MCMDC2: variants seen among roughly 807,000 people sequenced by gnomAD.
MCMDC2 encodes minichromosome maintenance domain-containing protein 2.
A neutral mutation model predicts 75.8 loss-of-function variants in MCMDC2; 54 were observed. The observed-to-expected ratio is 0.71, with a 90% CI of 0.57 to 0.89. The LOEUF (loss-of-function observed/expected upper bound fraction) is 0.89. Among genes scored for constraint, MCMDC2 ranks in the 40% least tolerant of loss-of-function variants. The pLI is 0.00. For missense variants in MCMDC2, 656 were observed against 780.4 expected (o/e 0.84, Z 1.90); for synonymous variants, 249 against 274.6 (o/e 0.91, Z 0.92).
intron 7 of MCMDC2, among the ~76,000 whole-genome samples, chr8:66,880,586 T>G (rs1811511456): frequency 6.6e-6 from 1 of 152,248 alleles, no homozygotes; most frequent in Non-Finnish European, 1.5e-5. Flanking sequence ...TTTGACCATA[T>G]TATAGAAGAG....
chr8:66,894,714 C>T (rs2130831207), intron 10 of MCMDC2, among the ~76,000 whole-genome samples: 1 of 152,162 alleles, frequency 6.6e-6, no homozygotes, highest in African/African-American at 2.4e-5. Flanking sequence ...TTTAGAATGG[C>T]AATACTACTA....
Position 66,874,318 on chromosome 8 carries a change from T to G in MCMDC2, c.95-8T>G. On this transcript the variant is annotated splice_polypyrimidine_tract_variant and splice_region_variant and intron_variant, in intron 2 of 14. Coordinates refer to ENST00000422365, the MANE Select transcript of MCMDC2 (RefSeq NM_173518.5). ...TATCCTGACTTTTACATTTGTATAT[T>G]TTCATAGATTCAAAACAAAGCTATG... 6.2e-7 allele frequency: 1 copy of G among 1,607,428 alleles called. No homozygotes were observed. The highest frequency in any genetic ancestry group is 8.5e-7 in the Non-Finnish European group (1 of 1,178,162).
At chr8:66,901,397 T>A in intron 13 of MCMDC2, 49 bp downstream of exon 13, 1 of 1,571,476 alleles carries the variant, frequency 6.4e-7, no homozygotes, top group Non-Finnish European at 8.6e-7. Flanking sequence ...TTTCAAATGA[T>A]ATGTTTAATT....
chr8:66,924,334 T>G (rs543089115), downstream of MCMDC2, among the ~76,000 whole-genome samples: 11 of 151,960 alleles, frequency 7.2e-5, no homozygotes, highest in Middle Eastern at 3.4e-3. Flanking sequence ...AATTTTAAAA[T>G]TTGTTTCTAT....
At chr8:66,891,426 C>G (rs1348063356) in intron 10 of MCMDC2, among the ~76,000 whole-genome samples, 2 of 152,156 alleles carry the variant, frequency 1.3e-5, no homozygotes, top group Non-Finnish European at 2.9e-5. Flanking sequence ...AGTTTCTCAC[C>G]ATTAAGTATG....
intron 14 of MCMDC2, among the ~76,000 whole-genome samples, chr8:66,915,964 G>A (rs893458231): frequency 2.0e-5 from 3 of 152,134 alleles, no homozygotes; most frequent in Admixed American, 6.5e-5. Flanking sequence ...ACATGCTACT[G>A]AGAGTTTGAG....
At chr8:66,878,721 T>C in intron 6 of MCMDC2, 25 bp downstream of exon 6, 1 of 1,512,220 alleles carries the variant, frequency 6.6e-7, no homozygotes. Context: ...TATTTTGTAA[T>C]TATAATTTTT....
Position 66,921,077 on chromosome 8 carries a change from C to G in MCMDC2, c.*1908C>G, listed in dbSNP as rs1723301008. 6.6e-6 allele frequency: 1 copy of G among 152,086 alleles called. No individual in the cohort carries two copies. Among genetic ancestry groups the G allele is most frequent in the Admixed American group, 6.6e-5 (1 of 15,266 alleles). 9.4% of individuals were successfully genotyped at this position (152,086 alleles called of 1,614,324 possible). Reference sequence around the variant, plus strand: ...ATAGCTCACTGCCACCTTAATCTCCCCAGCTCAAAAAACCCAACCTCAGTC... The same window carrying G: ...ATAGCTCACTGCCACCTTAATCTCCGCAGCTCAAAAAACCCAACCTCAGTC... On this transcript the variant is annotated 3_prime_UTR_variant, in exon 15 of 15. Coordinates refer to ENST00000422365, the MANE Select transcript of MCMDC2 (RefSeq NM_173518.5).
At chr8:66,891,852 C>G (rs867686775) in intron 10 of MCMDC2, among the ~76,000 whole-genome samples, 1 of 152,318 alleles carries the variant, frequency 6.6e-6, no homozygotes, top group African/African-American at 2.4e-5. Context: ...GCTCCAGGGG[C>G]TGGCACAGGT....
chr8:66,915,777 T>A (rs568468130), intron 14 of MCMDC2, among the ~76,000 whole-genome samples: 1 of 152,188 alleles, frequency 6.6e-6, no homozygotes, highest in East Asian at 1.9e-4. Flanking sequence ...TGGAGACTAG[T>A]GGGAACCCCA....
At chr8:66,887,012 C>T (rs1811876192) in intron 9 of MCMDC2, among the ~76,000 whole-genome samples, 1 of 152,064 alleles carries the variant, frequency 6.6e-6, no homozygotes, top group Non-Finnish European at 1.5e-5. Flanking sequence ...ATTGGCCACT[C>T]ATATATCTCT....
Position 66,920,932 on chromosome 8 carries a change from T to A in MCMDC2, c.*1763T>A, listed in dbSNP as rs1813503082. The A allele has an allele frequency of 6.6e-6, 1 of 152,142 alleles. No homozygotes were observed. Among genetic ancestry groups the A allele is most frequent in the South Asian group, 2.1e-4 (1 of 4,824 alleles). 9.4% of individuals were successfully genotyped at this position (152,142 alleles called of 1,614,324 possible). A position where few individuals can be genotyped will look rare whatever the true frequency, so the allele number is the denominator to read the frequency against. ...TCTCAGTACCTCAGCTTCCCAGTGTTGGGATTACAGGAGTGAGCCACCATG... is the reference window on the plus strand; with the variant it reads ...TCTCAGTACCTCAGCTTCCCAGTGTAGGGATTACAGGAGTGAGCCACCATG... On this transcript the variant is annotated 3_prime_UTR_variant, in exon 15 of 15. Coordinates refer to ENST00000422365, the MANE Select transcript of MCMDC2 (RefSeq NM_173518.5).
intron 14 of MCMDC2, among the ~76,000 whole-genome samples, chr8:66,910,306 A>G (rs1189337254): frequency 6.6e-6 from 1 of 152,216 alleles, no homozygotes; most frequent in Non-Finnish European, 1.5e-5. Context: ...GCTGTCCTCC[A>G]GACCCCAGAA....
In MCMDC2 at chr8:66,920,957, G is replaced by C. The variant is rs2130879607; in HGVS notation, c.*1788G>C. The C allele has an allele frequency of 6.6e-6, 1 of 152,214 alleles. No individual in the cohort carries two copies. The highest frequency in any genetic ancestry group is 2.1e-4 in the South Asian group (1 of 4,824). The allele number at this position is 152,214 out of a possible 1,614,324, so 9.4% of individuals were successfully genotyped here. A position where few individuals can be genotyped will look rare whatever the true frequency, so the allele number is the denominator to read the frequency against. ...TGGGATTACAGGAGTGAGCCACCATGCATGGCACAAAGATGGCTTTTATTT... is the reference window on the plus strand; with the variant it reads ...TGGGATTACAGGAGTGAGCCACCATCCATGGCACAAAGATGGCTTTTATTT... On this transcript the variant is annotated 3_prime_UTR_variant, in exon 15 of 15. Coordinates refer to ENST00000422365, the MANE Select transcript of MCMDC2 (RefSeq NM_173518.5).
At chr8:66,879,400 C>G (rs1002401211) in intron 7 of MCMDC2, among the ~76,000 whole-genome samples, 1 of 152,142 alleles carries the variant, frequency 6.6e-6, no homozygotes, top group Non-Finnish European at 1.5e-5. Context: ...CAAGACCAGC[C>G]TGGCCAACAT....
Position 66,874,223 on chromosome 8 carries a change from A to G in MCMDC2, c.83A>G (p.Lys28Arg), listed in dbSNP as rs1811161564. ...GGLQKFIDDC[K>R]YYNDSKQSYA... ...CTCCAAAAGTTTATAGATGATTGCA[A>G]GTACTACAATGGTACGTTCAGCAAA... is the stretch of plus-strand genomic sequence containing the variant. Residue 28 changes from lysine (K) to arginine (R), a missense_variant, in exon 2 of 15, where the codon AAG (lysine) becomes AGG (arginine). Physicochemically the swap from Lys to Arg is conservative, Grantham distance 26 (BLOSUM62 2). Coordinates refer to ENST00000422365, the MANE Select transcript of MCMDC2 (RefSeq NM_173518.5). 5 of 1,612,226 alleles carry G rather than the reference A, an allele frequency of 3.1e-6. No homozygotes were observed. Among genetic ancestry groups the G allele is most frequent in the African/African-American group, 2.7e-5 (2 of 74,842 alleles).
In MCMDC2 at chr8:66,878,904, A is replaced by G. The variant is rs139433430; in HGVS notation, c.694A>G (p.Thr232Ala). Residue 232 changes from threonine to alanine, a missense_variant, in exon 7 of 15, where the codon ACA becomes GCA. Transcript: ENST00000422365. ...NNQPFRFQSL[T>A]IFLRDESVNK... The stretch of plus-strand genomic sequence containing the variant: ...CCAGCCATTTAGGTTTCAATCACTT[A>G]CAATTTTCCTAAGAGGTAAGTGAAT... 2 of 1,603,960 alleles carry G rather than the reference A, an allele frequency of 1.2e-6. No homozygotes were observed. Among genetic ancestry groups the G allele is most frequent in the Non-Finnish European group, 1.7e-6 (2 of 1,173,596 alleles).
chr8:66,900,450 A>C (rs1032150866), intron 12 of MCMDC2, among the ~76,000 whole-genome samples: 8 of 152,096 alleles, frequency 5.3e-5, no homozygotes, highest in Non-Finnish European at 1.0e-4. Context: ...AAATAAATAA[A>C]AAAAAAACAT....
At chr8:66,889,481 G>A (rs1585872539) in intron 9 of MCMDC2, among the ~76,000 whole-genome samples, 1 of 152,054 alleles carries the variant, frequency 6.6e-6, no homozygotes, top group Admixed American at 6.6e-5. Context: ...ACGACAGAGC[G>A]AGACTCTGTC....
Sources: gnomAD v4.1 joint callset for allele counts (sites outside exome capture counted in the v4.1 genomes callset) on GRCh38, gnomAD v4.1.1 for gene constraint, MANE v1.5 for transcripts, NCBI Gene and HGNC (gene_info 2026-07-23, HGNC 2026-07-21) for gene names.